DNAH8: variants seen among roughly 807,000 people sequenced by gnomAD.
DNAH8 encodes the protein dynein axonemal heavy chain 8, also known as axonemal beta dynein heavy chain 8.
Under a neutral mutation model 562.1 loss-of-function variants are expected in DNAH8, and 382 were observed. The ratio of observed to expected loss-of-function variants is 0.68; its 90% confidence interval spans 0.63 to 0.74. The LOEUF (loss-of-function observed/expected upper bound fraction) is 0.74, where lower values mean the gene tolerates loss of function less well. Among genes scored for constraint, DNAH8 ranks in the 30% least tolerant of loss-of-function variants. DNAH8 has a pLI of 0.00. For synonymous variants in DNAH8, 1,881 were observed against 1,919.4 expected, an observed-to-expected ratio of 0.98 and a Z score of 0.52; for missense variants, 5,203 against 5,620.4, an observed-to-expected ratio of 0.93 and a Z score of 2.37.
intron 53 of DNAH8, among the ~76,000 whole-genome samples, chr6:38,876,675 C>G (rs1778037265): frequency 1.3e-5 from 2 of 152,150 alleles, no homozygotes; most frequent in African/African-American, 4.8e-5. Context: ...CTAAAAACCA[C>G]AGGGCTGGTT....
intron 82 of DNAH8, among the ~76,000 whole-genome samples, chr6:38,955,204 G>C (rs1222300434): frequency 1.3e-5 from 2 of 152,024 alleles, no homozygotes; most frequent in Non-Finnish European, 2.9e-5. Context: ...GAACTCCTGA[G>C]CTCAAGTGAT....
intron 30 of DNAH8, among the ~76,000 whole-genome samples, 176 bp downstream of exon 30, chr6:38,828,464 C>T (rs1046997010): frequency 6.6e-6 from 1 of 152,106 alleles, no homozygotes; most frequent in Non-Finnish European, 1.5e-5. Flanking sequence ...TGTATTTTTA[C>T]TGATCCTTTT....
At chr6:38,892,404 CCT>C (rs1461311911) in intron 58 of DNAH8, among the ~76,000 whole-genome samples, 2 of 152,312 alleles carry the variant, frequency 1.3e-5, no homozygotes, top group Non-Finnish European at 2.9e-5. Context: ...TAAATACAAT[CCT>C]CTCTCAGACT....
At chr6:38,760,988 C>A (rs894851661) in intron 10 of DNAH8, among the ~76,000 whole-genome samples, 1 of 151,948 alleles carries the variant, frequency 6.6e-6, no homozygotes, top group Non-Finnish European at 1.5e-5. Context: ...TTATTCTCTC[C>A]CCTTGCATCT....
At chr6:38,817,142 A>T (rs978164339) in intron 26 of DNAH8, among the ~76,000 whole-genome samples, 25 of 152,160 alleles carry the variant, frequency 1.6e-4, no homozygotes, top group African/African-American at 5.3e-4. Flanking sequence ...CAGGAGTTTG[A>T]TATCATCCTG....
intron 88 of DNAH8, among the ~76,000 whole-genome samples, chr6:39,006,953 T>C (rs1471401378): frequency 6.6e-6 from 1 of 152,202 alleles, no homozygotes; most frequent in Non-Finnish European, 1.5e-5. Context: ...CTCTCCTGTC[T>C]CATTGCACTA....
chr6:38,805,662 C>A, intron 23 of DNAH8, 66 bp downstream of exon 23: 1 of 854,366 alleles, frequency 1.2e-6, no homozygotes. Context: ...TAGATAACCC[C>A]ATATGGTGCT....
intron 59 of DNAH8, among the ~76,000 whole-genome samples, chr6:38,895,788 A>G (rs1779635520): frequency 6.6e-6 from 1 of 152,156 alleles, no homozygotes; most frequent in Non-Finnish European, 1.5e-5. Flanking sequence ...CTGCTCTCCT[A>G]TCGCAAGTTT....
intron 17 of DNAH8, among the ~76,000 whole-genome samples, chr6:38,783,692 C>T (rs1372137765): frequency 2.0e-5 from 3 of 152,152 alleles, no homozygotes; most frequent in Non-Finnish European, 4.4e-5. Context: ...AAATGTGAGA[C>T]GGGATGGTTC....
intron 40 of DNAH8, 58 bp from the exon 41 acceptor site, chr6:38,853,128 C>A: frequency 7.5e-7 from 1 of 1,340,922 alleles, no homozygotes; most frequent in Non-Finnish European, 1.0e-6. Flanking sequence ...GTGCATGGAA[C>A]GTCTGTAAAA....
At chr6:38,909,843 T>C (rs770771905) in intron 65 of DNAH8, 99 bp downstream of exon 65, 73 of 946,734 alleles carry the variant, frequency 7.7e-5, no homozygotes, top group Non-Finnish European at 1.0e-4. Context: ...TTCTATTCAT[T>C]GAGCACGAGC....
At chr6:38,726,090 C>G (rs755690085) in intron 3 of DNAH8, among the ~76,000 whole-genome samples, 1 of 152,164 alleles carries the variant, frequency 6.6e-6, no homozygotes, top group Non-Finnish European at 1.5e-5. Flanking sequence ...TTAGTAGGCC[C>G]AGGCTTTAGG....
intron 41 of DNAH8, 96 bp downstream of exon 41, chr6:38,853,443 G>A: frequency 3.7e-6 from 5 of 1,366,806 alleles, no homozygotes; most frequent in Non-Finnish European, 4.1e-6. Flanking sequence ...TGAGGCAATT[G>A]TAGCTTTGAA....
chr6:38,905,642 C>T (rs1286945164), intron 62 of DNAH8, among the ~76,000 whole-genome samples: 1 of 152,126 alleles, frequency 6.6e-6, no homozygotes, highest in African/African-American at 2.4e-5. Context: ...TGTCAGATTG[C>T]AGGGACTAAA....
intron 11 of DNAH8, among the ~76,000 whole-genome samples, chr6:38,769,300 A>G (rs984095230): frequency 6.6e-6 from 1 of 152,206 alleles, no homozygotes. Flanking sequence ...TACACGTGCC[A>G]TGGTGGTTTG....
At chr6:38,749,857 A>G (rs1386114421) in intron 8 of DNAH8, among the ~76,000 whole-genome samples, 4 of 152,146 alleles carry the variant, frequency 2.6e-5, no homozygotes, top group Non-Finnish European at 5.9e-5. Context: ...TTTGAGACAA[A>G]GTCTCACTCT....
intron 1 of DNAH8, among the ~76,000 whole-genome samples, chr6:38,719,500 C>T (rs568526957): frequency 2.6e-5 from 4 of 152,240 alleles, no homozygotes; most frequent in Middle Eastern, 3.4e-3. Flanking sequence ...TTTTCTGTTT[C>T]TGTGTTAGTT....
In DNAH8 at chr6:38,755,992, A is replaced by G; in HGVS notation, c.1428A>G (p.Ile476Met). 6.2e-7 allele frequency: 1 copy of G among 1,607,036 alleles called. No homozygotes were observed. The highest frequency in any genetic ancestry group is 1.3e-5 in the African/African-American group (1 of 74,884). Reference sequence around the variant, plus strand: ...GTTAGGTTTCCATGGCACATGGAATACAAAATTTGATTAATGCCATCAGAA... The same window carrying G: ...GTTAGGTTTCCATGGCACATGGAATGCAAAATTTGATTAATGCCATCAGAA... Reference protein sequence around the residue: ...NHDLVSMAHGIQNLINAIRMI... With the variant: ...NHDLVSMAHGMQNLINAIRMI... The change falls in exon 10 of 93, where the codon ATA (isoleucine) becomes ATG (methionine). Residue 476 changes from isoleucine to methionine, a missense_variant. Physicochemically the swap from Ile to Met is conservative, Grantham distance 10. This residue lies in a region of DNAH8 where 2,176 missense variants were observed against 2,365.1 expected (regional missense o/e 0.92). Transcript: ENST00000327475.
At position 38,834,610 on chromosome 6, in the gene DNAH8, A is replaced by G. The variant is rs1774126924; in HGVS notation, c.4334A>G (p.Gln1445Arg). 3 of 1,606,712 alleles carry G rather than the reference A, an allele frequency of 1.9e-6. No individual in the cohort carries two copies. In the East Asian group the frequency reaches 6.7e-5, roughly 36 times the overall value. ...CCTATGGTTCCAAATATACCACCCC[A>G]AGAAGCTAGCAACAGGCTACAGATA... Reference protein sequence around the residue: ...EGPMVPNIPPQEASNRLQIFQ... With the variant: ...EGPMVPNIPPREASNRLQIFQ... The change falls in exon 32 of 93, where the codon CAA (glutamine) becomes CGA (arginine). Residue 1445 changes from glutamine to arginine, a missense_variant. Coordinates refer to ENST00000327475, the MANE Select transcript of DNAH8 (RefSeq NM_001206927.2).
Sources: allele counts gnomAD v4.1 joint callset (sites outside exome capture counted in the v4.1 genomes callset), GRCh38; gene constraint gnomAD v4.1.1; regional missense constraint gnomAD v4.1.1; transcripts MANE v1.5; gene names NCBI Gene and HGNC (gene_info 2026-07-23, HGNC 2026-07-21).